PCDH15: variants seen among roughly 807,000 people sequenced by gnomAD.
PCDH15 encodes protocadherin related 15, also known as protocadherin-15.
PCDH15 carries 129 observed loss-of-function variants against 178.5 expected under a neutral mutation model. That is an observed-to-expected ratio of 0.72 (90% CI 0.63 to 0.84). The LOEUF is 0.84. PCDH15 is among the 40% of genes least tolerant of loss of function. The pLI is 0.00. For synonymous variants in PCDH15, 800 were observed against 732.0 expected, an observed-to-expected ratio of 1.09 and a Z score of -1.50; for missense variants, 2,230 against 2,099.9, an observed-to-expected ratio of 1.06 and a Z score of -1.21.
intron 2 of PCDH15, among the ~76,000 whole-genome samples, chr10:55,420,200 G>A (rs1174643160): frequency 2.0e-5 from 3 of 151,526 alleles, no homozygotes; most frequent in African/African-American, 7.3e-5. Flanking sequence ...TAAAATTTGT[G>A]TGTCAATAAA....
intron 2 of PCDH15, among the ~76,000 whole-genome samples, chr10:55,360,277 A>C (rs945134505): frequency 2.0e-5 from 3 of 151,986 alleles, no homozygotes; most frequent in African/African-American, 7.2e-5. Context: ...TATATGATAA[A>C]ATACATGAAT....
intron 28 of PCDH15, among the ~76,000 whole-genome samples, chr10:53,841,005 T>C (rs968634388): frequency 1.3e-5 from 2 of 152,208 alleles, no homozygotes; most frequent in Non-Finnish European, 2.9e-5. Context: ...GGAGATATTT[T>C]GCAATGGCAG....
At chr10:55,119,083 C>T (rs1256176432) in intron 2 of PCDH15, among the ~76,000 whole-genome samples, 2 of 152,148 alleles carry the variant, frequency 1.3e-5, no homozygotes, top group Non-Finnish European at 2.9e-5. Context: ...CTTTGCTTCA[C>T]CAGCTGCCTC....
intron 2 of PCDH15, among the ~76,000 whole-genome samples, chr10:54,645,218 T>C (rs1210245621): frequency 6.6e-6 from 1 of 152,158 alleles, no homozygotes; most frequent in Admixed American, 6.6e-5. Context: ...TACCTAGGAA[T>C]GAAGCAGTTG....
intron 2 of PCDH15, chr10:54,619,440 G>T (rs1481219852): frequency 6.6e-6 from 1 of 152,034 alleles, no homozygotes; most frequent in African/African-American, 2.4e-5. Context: ...AAGGCTGAAG[G>T]AAGAATTTAA....
intron 8 of PCDH15, among the ~76,000 whole-genome samples, chr10:54,288,343 G>C (rs1288739584): frequency 2.7e-5 from 4 of 150,326 alleles, no homozygotes; most frequent in African/African-American, 9.9e-5. Context: ...AAATAAGAGA[G>C]AGAGAGAGGA....
At chr10:54,008,650 A>G (rs1290020701) in intron 20 of PCDH15, among the ~76,000 whole-genome samples, 2 of 152,212 alleles carry the variant, frequency 1.3e-5, no homozygotes, top group Non-Finnish European at 2.9e-5. Context: ...CATCAGAGAA[A>G]AGGCCACACC....
intron 3 of PCDH15, among the ~76,000 whole-genome samples, chr10:54,812,742 C>T (rs746932005): frequency 6.6e-6 from 1 of 152,076 alleles, no homozygotes; most frequent in Non-Finnish European, 1.5e-5. Flanking sequence ...CAGGTGTGAG[C>T]CACCACACCC....
At chr10:54,719,620 A>G (rs1249173270) in intron 1 of PCDH15, among the ~76,000 whole-genome samples, 1 of 151,850 alleles carries the variant, frequency 6.6e-6, no homozygotes, top group South Asian at 2.1e-4. Flanking sequence ...TCAACCTGTT[A>G]TCTAGGTTTT....
intron 2 of PCDH15, among the ~76,000 whole-genome samples, chr10:55,386,159 T>G (rs1386143160): frequency 6.6e-6 from 1 of 151,938 alleles, no homozygotes; most frequent in Non-Finnish European, 1.5e-5. Flanking sequence ...TTACCTAGAC[T>G]CAAAGGGAAA....
At chr10:54,904,185 C>G (rs1954684081) in intron 2 of PCDH15, among the ~76,000 whole-genome samples, 1 of 152,024 alleles carries the variant, frequency 6.6e-6, no homozygotes, top group Non-Finnish European at 1.5e-5. Flanking sequence ...TTCCTTTTAA[C>G]TTCAGCTTTG....
chr10:53,894,141 C>T (rs1373704669), intron 26 of PCDH15, among the ~76,000 whole-genome samples: 1 of 152,064 alleles, frequency 6.6e-6, no homozygotes, highest in African/African-American at 2.4e-5. Context: ...GATGGGAAAA[C>T]ATAATGTCTG....
chr10:55,623,304 G>C (rs752427755), intron 2 of PCDH15, among the ~76,000 whole-genome samples: 5 of 152,126 alleles, frequency 3.3e-5, no homozygotes, highest in Non-Finnish European at 5.9e-5. Context: ...TGTGAGACTA[G>C]GTTGTAGTGG....
At chr10:53,934,537 G>T (rs1476142773) in intron 25 of PCDH15, among the ~76,000 whole-genome samples, 1 of 151,536 alleles carries the variant, frequency 6.6e-6, no homozygotes, top group African/African-American at 2.4e-5. Flanking sequence ...GGCGGTGCTT[G>T]CAGTGAGCCC....
At chr10:54,371,009 T>A (rs1205082626) in intron 4 of PCDH15, among the ~76,000 whole-genome samples, 3 of 151,878 alleles carry the variant, frequency 2.0e-5, no homozygotes, top group Non-Finnish European at 2.9e-5. Flanking sequence ...TTATATCTAC[T>A]CTATTTCTCC....
In PCDH15 at chr10:54,655,252, AAGAAAGAGAGAGAGAGAG is replaced by A. The variant is rs1221281191; in HGVS notation, c.91+8902_91+8919del. ...AGGGAGGAAGGGAAAGAAAGAAAGA[AAGAAAGAGAGAGAGAGAG>A]AGAGAGAGAGAGAGAGAGAGAGAGA... On this transcript the variant is annotated intron_variant, in intron 2 of 37. Coordinates refer to ENST00000644397, the MANE Select transcript of PCDH15 (RefSeq NM_001384140.1). 7.3e-4 allele frequency among the ~76,000 whole-genome samples: 34 copies of A among 46,336 alleles called. 1 individual carries two copies. The highest frequency in any genetic ancestry group is 4.6e-3 in the Admixed American group (18 of 3,894). The allele number at this position is 46,336 out of a possible 152,430, so 30.4% of individuals were successfully genotyped here.
intron 6 of PCDH15, among the ~76,000 whole-genome samples, chr10:54,335,116 A>C (rs1940794341): frequency 1.3e-5 from 2 of 152,118 alleles, no homozygotes; most frequent in Admixed American, 1.3e-4. Context: ...TAATTTCCTA[A>C]AGTAAAAAGT....
At chr10:54,714,666 T>G (rs1170902445) in intron 1 of PCDH15, among the ~76,000 whole-genome samples, 2 of 152,162 alleles carry the variant, frequency 1.3e-5, no homozygotes, top group East Asian at 1.9e-4. Context: ...CTTCATTAAC[T>G]GGTCTTGAGG....
chr10:53,840,808 T>A (rs2077598122), intron 28 of PCDH15, among the ~76,000 whole-genome samples: 1 of 152,204 alleles, frequency 6.6e-6, no homozygotes, highest in Non-Finnish European at 1.5e-5. Context: ...CAAATAAAGC[T>A]GTCTATGCTT....
Sources: gnomAD v4.1 joint callset for allele counts (sites outside exome capture counted in the v4.1 genomes callset) on GRCh38, gnomAD v4.1.1 for gene constraint, MANE v1.5 for transcripts, NCBI Gene and HGNC (gene_info 2026-07-23, HGNC 2026-07-21) for gene names.